Variants in NELL1 observed in about 807,000 individuals in gnomAD.
The protein encoded by NELL1 is neural EGFL like 1.
Under a neutral mutation model 107.4 loss-of-function variants are expected in NELL1, and 76 were observed. The observed-to-expected ratio is 0.71, with a 90% CI of 0.59 to 0.86. The LOEUF (loss-of-function observed/expected upper bound fraction) is 0.86. NELL1 is among the 40% of genes least tolerant of loss of function. NELL1 has a pLI of 0.00. For missense variants in NELL1, 1,024 were observed against 1,005.5 expected, an observed-to-expected ratio of 1.02 and a Z score of -0.25; for synonymous variants, 353 against 341.2, an observed-to-expected ratio of 1.03 and a Z score of -0.38.
chr11:21,132,907 A>C (rs2090401), intron 13 of NELL1, among the ~76,000 whole-genome samples: 109,827 of 152,000 alleles, frequency 0.72, 39,970 homozygotes, highest in African/African-American at 0.79. Context: ...AGTATGCAGA[A>C]AACTGGAGGG....
At chr11:20,889,067 T>C (rs1849565908) in intron 5 of NELL1, among the ~76,000 whole-genome samples, 1 of 152,134 alleles carries the variant, frequency 6.6e-6, no homozygotes, top group Non-Finnish European at 1.5e-5. Context: ...ACTTCATCTC[T>C]TGAAGGGCTG....
intron 14 of NELL1, among the ~76,000 whole-genome samples, chr11:21,271,141 T>C (rs138386104): frequency 7.0e-4 from 106 of 151,864 alleles, no homozygotes; most frequent in Middle Eastern, 6.8e-3. Flanking sequence ...ATAATAAAAA[T>C]TAGTGCCAAA....
chr11:20,741,453 C>T (rs1826899173), intron 2 of NELL1, among the ~76,000 whole-genome samples: 1 of 152,188 alleles, frequency 6.6e-6, no homozygotes, highest in Non-Finnish European at 1.5e-5. Context: ...TGTGATTAAA[C>T]TGACCTCCAG....
At chr11:21,284,872 C>T (rs1341296922) in intron 14 of NELL1, 1 of 286,430 alleles carries the variant, frequency 3.5e-6, no homozygotes, top group African/African-American at 2.2e-5. Context: ...AGTGTCCACA[C>T]TGCAGACCTT....
chr11:20,705,826 T>A (rs12365916), intron 2 of NELL1, among the ~76,000 whole-genome samples: 59,480 of 149,916 alleles, frequency 0.4, 13,910 homozygotes, highest in African/African-American at 0.64. Flanking sequence ...CAAGAAAAAA[T>A]CAAACAACCC....
intron 14 of NELL1, among the ~76,000 whole-genome samples, chr11:21,355,433 A>G (rs942704398): frequency 2.0e-5 from 3 of 152,202 alleles, no homozygotes; most frequent in African/African-American, 4.8e-5. Flanking sequence ...TTCCAGTTTT[A>G]CCAGTATGAT....
At chr11:21,564,658 T>C (rs1488596024) in intron 17 of NELL1, among the ~76,000 whole-genome samples, 1 of 149,420 alleles carries the variant, frequency 6.7e-6, no homozygotes, top group African/African-American at 2.5e-5. Flanking sequence ...AACAAAGTAA[T>C]ACTAAAGACT....
At chr11:21,102,764 G>C (rs1854853161) in intron 12 of NELL1, among the ~76,000 whole-genome samples, 1 of 152,062 alleles carries the variant, frequency 6.6e-6, no homozygotes, top group Non-Finnish European at 1.5e-5. Context: ...TTTGGGTTGT[G>C]TTTTCAGTGA....
At chr11:21,215,696 G>A (rs1372574072) in intron 13 of NELL1, among the ~76,000 whole-genome samples, 1 of 152,188 alleles carries the variant, frequency 6.6e-6, no homozygotes, top group Non-Finnish European at 1.5e-5. Flanking sequence ...GAGACTGGCA[G>A]CATTTTGCCT....
chr11:21,095,633 A>C (rs531601843), intron 12 of NELL1, among the ~76,000 whole-genome samples: 6 of 152,086 alleles, frequency 3.9e-5, no homozygotes, highest in African/African-American at 1.4e-4. Context: ...TTTTCAAGAC[A>C]GAGTTTTGTT....
At chr11:21,183,216 A>G (rs1156937038) in intron 13 of NELL1, among the ~76,000 whole-genome samples, 1 of 151,936 alleles carries the variant, frequency 6.6e-6, no homozygotes, top group Non-Finnish European at 1.5e-5. Context: ...TTTTATGAAC[A>G]TGATCTGTCT....
chr11:21,212,726 A>G (rs1857526348), intron 13 of NELL1, among the ~76,000 whole-genome samples: 1 of 152,188 alleles, frequency 6.6e-6, no homozygotes, highest in Non-Finnish European at 1.5e-5. Context: ...CCCAGCATTG[A>G]CAAGGTGGTA....
intron 15 of NELL1, among the ~76,000 whole-genome samples, chr11:21,491,919 T>C (rs1164906629): frequency 6.6e-6 from 1 of 152,148 alleles, no homozygotes; most frequent in Non-Finnish European, 1.5e-5. Context: ...TTCACTTCCC[T>C]TGTAAGTTGG....
At chr11:20,907,070 A>G (rs1349652872) in intron 5 of NELL1, among the ~76,000 whole-genome samples, 5 of 152,064 alleles carry the variant, frequency 3.3e-5, no homozygotes, top group Admixed American at 2.6e-4. Context: ...CCATGATTCT[A>G]TGTATAGAAG....
intron 3 of NELL1, among the ~76,000 whole-genome samples, chr11:20,842,561 T>C (rs1192401257): frequency 6.6e-6 from 1 of 152,182 alleles, no homozygotes; most frequent in Non-Finnish European, 1.5e-5. Context: ...TTTTGTCCTC[T>C]GACTCTGATG....
intron 15 of NELL1, among the ~76,000 whole-genome samples, chr11:21,518,149 A>AAAGG (rs1855620312): frequency 1.3e-5 from 2 of 152,214 alleles, no homozygotes; most frequent in African/African-American, 4.8e-5. Flanking sequence ...GAAAAAAAAA[A>AAAGG]AAAGGTGCTG....
intron 13 of NELL1, among the ~76,000 whole-genome samples, chr11:21,223,331 C>CT (rs1857809706): frequency 1.3e-5 from 2 of 150,886 alleles, no homozygotes; most frequent in Non-Finnish European, 2.9e-5. Flanking sequence ...CTTTGTCTTT[C>CT]TTTTTTCTTT....
chr11:21,020,693 G>A (rs1852676995), intron 12 of NELL1, among the ~76,000 whole-genome samples: 1 of 151,874 alleles, frequency 6.6e-6, no homozygotes, highest in African/African-American at 2.4e-5. Flanking sequence ...TGCAGTAGCT[G>A]GAAGACATCA....
At chr11:20,819,180 C>T (rs10500883) in intron 3 of NELL1, among the ~76,000 whole-genome samples, 90,745 of 152,066 alleles carry the variant, frequency 0.6, 29,181 homozygotes, top group Non-Finnish European at 0.73. Context: ...TTTGACCTAG[C>T]GTGCTAACAA....
Sources: allele counts gnomAD v4.1 joint callset (sites outside exome capture counted in the v4.1 genomes callset), GRCh38; gene constraint gnomAD v4.1.1; transcripts MANE v1.5; gene names NCBI Gene and HGNC (gene_info 2026-07-23, HGNC 2026-07-21).